PMS1: variants seen among roughly 807,000 people sequenced by gnomAD.
PMS1 encodes PMS1 homolog 1, mismatch repair system component, also known as PMS1 protein homolog 1.
Under a neutral mutation model 93.1 loss-of-function variants are expected in PMS1, and 79 were observed. That is an observed-to-expected ratio of 0.85 (90% CI 0.71 to 1.02). The LOEUF is 1.02. Ranked by LOEUF, PMS1 falls within the 50% of genes least tolerant of loss-of-function variation. PMS1 has a pLI of 0.00. For synonymous variants in PMS1, 335 were observed against 363.4 expected, an observed-to-expected ratio of 0.92 and a Z score of 0.89; for missense variants, 1,064 against 1,085.3, an observed-to-expected ratio of 0.98 and a Z score of 0.28.
At chr2:189,806,199 T>G in intron 4 of PMS1, 1 of 294,784 alleles carries the variant, frequency 3.4e-6, no homozygotes, top group South Asian at 6.4e-5. Flanking sequence ...CATAAGAAGT[T>G]ACTGTACTTA....
intron 5 of PMS1, among the ~76,000 whole-genome samples, chr2:189,818,583 A>G (rs5743045): frequency 5.6e-4 from 85 of 152,362 alleles, no homozygotes; most frequent in Admixed American, 9.8e-4. Context: ...ATTTTGCTAT[A>G]GCAGCCCAAA....
At chr2:189,848,587 TC>T (rs1414089262) in intron 6 of PMS1, among the ~76,000 whole-genome samples, 4 of 152,188 alleles carry the variant, frequency 2.6e-5, no homozygotes, top group African/African-American at 9.6e-5. Context: ...GTCCTAGTAA[TC>T]CATCATAGAT....
At chr2:189,793,793 A>G (rs1386483280) in intron 2 of PMS1, among the ~76,000 whole-genome samples, 2 of 152,244 alleles carry the variant, frequency 1.3e-5, no homozygotes, top group Non-Finnish European at 2.9e-5. Context: ...TTTAAGATAT[A>G]CACCTTAAAT....
intron 12 of PMS1, 103 bp downstream of exon 12, chr2:189,873,759 A>G: frequency 4.0e-6 from 3 of 752,586 alleles, no homozygotes. Flanking sequence ...GCGGCCTCCT[A>G]GCGGGCATCA....
intron 5 of PMS1, among the ~76,000 whole-genome samples, chr2:189,826,043 T>G (rs1233290): frequency 0.12 from 17,986 of 152,178 alleles, 1,514 homozygotes; most frequent in African/African-American, 0.24. Flanking sequence ...TGAAGATAAA[T>G]AAGTGATGCC....
chr2:189,801,268 G>A (rs965819167), intron 3 of PMS1, among the ~76,000 whole-genome samples: 4 of 152,084 alleles, frequency 2.6e-5, no homozygotes, highest in Non-Finnish European at 5.9e-5. Flanking sequence ...ACTCGTAATG[G>A]TTTTCTTTAA....
rs1057048375 is a variant in PMS1 at position 189,868,039 on chromosome 2, A to C, written c.2473+110A>C. On this transcript the variant is annotated intron_variant, in intron 11 of 12. Transcript: ENST00000441310. ...TATGGTGGTATATTTTTGTCTCACTATAAGTACAGTGTCAGCTATGTTAAA... is the reference window on the plus strand; with the variant it reads ...TATGGTGGTATATTTTTGTCTCACTCTAAGTACAGTGTCAGCTATGTTAAA... 5.4e-6 allele frequency: 5 copies of C among 925,928 alleles called. No individual in the cohort carries two copies. In the East Asian group the frequency reaches 1.2e-4, roughly 22 times the overall value. 57.4% of individuals were successfully genotyped at this position (925,928 alleles called of 1,614,324 possible).
At chr2:189,805,188 T>C (rs2050225050) in intron 3 of PMS1, among the ~76,000 whole-genome samples, 1 of 152,036 alleles carries the variant, frequency 6.6e-6, no homozygotes, top group South Asian at 2.1e-4. Flanking sequence ...TTTAATTTTT[T>C]TTGGACCATA....
At position 189,877,491 on chromosome 2, in the gene PMS1, G is replaced by A. The variant is rs764216417; in HGVS notation, c.*55G>A. The A allele has an allele frequency of 8.4e-7, 1 of 1,185,618 alleles. No homozygotes were observed. The highest frequency in any genetic ancestry group is 1.3e-6 in the Non-Finnish European group (1 of 799,306). The allele number at this position is 1,185,618 out of a possible 1,614,324, so 73.4% of individuals were successfully genotyped here. A position where few individuals can be genotyped will look rare whatever the true frequency, so the allele number is the denominator to read the frequency against. On this transcript the variant is annotated 3_prime_UTR_variant, in exon 13 of 13. Transcript: ENST00000441310. ...TTGAAATTGGTTCTGTCATAAAACA[G>A]CATGAGTCTGGTTTTAAATTATCTT... is the stretch of plus-strand genomic sequence containing the variant.
chr2:189,872,013 C>G (rs927786004), intron 11 of PMS1, among the ~76,000 whole-genome samples: 17 of 152,146 alleles, frequency 1.1e-4, no homozygotes, highest in African/African-American at 4.1e-4. Context: ...AGACCTCACT[C>G]ATTACCATGG....
intron 5 of PMS1, among the ~76,000 whole-genome samples, chr2:189,830,846 G>A (rs1335273047): frequency 6.6e-6 from 1 of 151,976 alleles, no homozygotes; most frequent in East Asian, 1.9e-4. Context: ...CAACTGGACA[G>A]AGAGATAGCA....
intron 5 of PMS1, among the ~76,000 whole-genome samples, chr2:189,840,227 C>CTGCA (rs1384797306): frequency 6.6e-6 from 1 of 152,120 alleles, no homozygotes; most frequent in Non-Finnish European, 1.5e-5. Context: ...TCCAGGGCTG[C>CTGCA]TGCATGGTCA....
intron 4 of PMS1, chr2:189,807,167 T>G (rs2050416410): frequency 6.0e-6 from 1 of 166,552 alleles, no homozygotes; most frequent in Admixed American, 6.4e-5. Flanking sequence ...AATTACTGAT[T>G]ACTTTTGCCC....
intron 5 of PMS1, among the ~76,000 whole-genome samples, chr2:189,842,570 C>G (rs1254454590): frequency 6.6e-6 from 1 of 152,082 alleles, no homozygotes; most frequent in Non-Finnish European, 1.5e-5. Context: ...CCATGTTGAC[C>G]TAAAAGGAAG....
chr2:189,819,942 T>A (rs5743047), intron 5 of PMS1, among the ~76,000 whole-genome samples: 17,657 of 152,234 alleles, frequency 0.12, 1,200 homozygotes, highest in Middle Eastern at 0.17. Flanking sequence ...GCTTGGTGAA[T>A]CTTAAAGGAA....
intron 4 of PMS1, among the ~76,000 whole-genome samples, chr2:189,814,372 G>A (rs1360044649): frequency 6.6e-6 from 1 of 151,442 alleles, no homozygotes; most frequent in African/African-American, 2.4e-5. Flanking sequence ...CAAGAAAAAA[G>A]CAGAAAAACA....
intron 2 of PMS1, among the ~76,000 whole-genome samples, chr2:189,793,364 A>G (rs1451226254): frequency 6.6e-6 from 1 of 152,174 alleles, no homozygotes; most frequent in African/African-American, 2.4e-5. Flanking sequence ...ATTTCTAGTA[A>G]ATTTCTAATT....
intron 2 of PMS1, 53 bp downstream of exon 2, chr2:189,791,994 C>G: frequency 6.6e-7 from 1 of 1,510,662 alleles, no homozygotes; most frequent in Non-Finnish European, 9.2e-7. Flanking sequence ...AGGGTCTGGA[C>G]ACATGTTTTC....
At position 189,853,763 on chromosome 2, in the gene PMS1, C is replaced by T. The variant is rs574311968; in HGVS notation, c.823-176C>T. On this transcript the variant is annotated intron_variant, in intron 7 of 12. Transcript: ENST00000441310. ...AACTCCTGACCTCAAGTGATCCCCC[C>T]ACCTTGGCCTCCCAAAGTGCTGGGA... Among the ~76,000 whole-genome samples, 36 of 152,252 alleles carry T rather than the reference C, an allele frequency of 2.4e-4. 1 individual carries two copies. The South Asian group carries it at 7.3e-3, about 31-fold the overall frequency.
Sources: allele counts gnomAD v4.1 joint callset (sites outside exome capture counted in the v4.1 genomes callset), GRCh38; gene constraint gnomAD v4.1.1; transcripts MANE v1.5; gene names NCBI Gene and HGNC (gene_info 2026-07-23, HGNC 2026-07-21).